The following SPMIP7 variants were observed in gnomAD, a reference collection of about 807,000 sequenced individuals.
The protein encoded by SPMIP7 is sperm microtubule inner protein 7, also known as protein SPMIP7.
chr7:50,148,621 T>C, the SPMIP7 span, among the ~76,000 whole-genome samples: 1 of 152,230 alleles, frequency 6.6e-6, no homozygotes, highest in South Asian at 2.1e-4. Context: ...CTTTGCCTCA[T>C]TCTGGGTTAC....
the SPMIP7 span, chr7:50,151,348 A>C: frequency 1.1e-6 from 1 of 950,748 alleles, no homozygotes; most frequent in South Asian, 1.7e-5. Context: ...TAGACTGCAT[A>C]TTTCTTTATA....
the SPMIP7 span, among the ~76,000 whole-genome samples, chr7:50,110,985 ATAATAAATATATATG>A: frequency 7.0e-6 from 1 of 143,490 alleles, no homozygotes; most frequent in South Asian, 2.1e-4. Flanking sequence ...GCTAATATAT[ATAATAAATATATATG>A]TAATATCTTT....
At chr7:50,136,290 A>T in the SPMIP7 span, 1 of 685,786 alleles carries the variant, frequency 1.5e-6, no homozygotes, top group Non-Finnish European at 2.6e-6. Context: ...GATGGAGAGC[A>T]TCCCAGGGAC....
At chr7:50,118,936 G>T in the SPMIP7 span, among the ~76,000 whole-genome samples, 1 of 152,210 alleles carries the variant, frequency 6.6e-6, no homozygotes, top group African/African-American at 2.4e-5. Context: ...ATAGAACCTC[G>T]TGTATCTTCC....
the SPMIP7 span, among the ~76,000 whole-genome samples, chr7:50,126,840 CAG>C: frequency 6.6e-6 from 1 of 151,390 alleles, no homozygotes; most frequent in Admixed American, 6.6e-5. Context: ...ATATTGAACA[CAG>C]AGTAGAAAAA....
chr7:50,100,747 G>A, the SPMIP7 span, among the ~76,000 whole-genome samples: 1 of 151,952 alleles, frequency 6.6e-6, no homozygotes, highest in Non-Finnish European at 1.5e-5. Flanking sequence ...GGTAGGCAGA[G>A]CTTGCAGTGA....
chr7:50,129,870 A>C, the SPMIP7 span: 3 of 883,628 alleles, frequency 3.4e-6, no homozygotes, highest in Non-Finnish European at 5.4e-6. Flanking sequence ...CTTTATGTCT[A>C]TAATATCCTG....
At chr7:50,158,084 TG>T in the SPMIP7 span, among the ~76,000 whole-genome samples, 525 of 152,264 alleles carry the variant, frequency 3.4e-3, 2 homozygotes, top group African/African-American at 0.012. Flanking sequence ...CAGCAGCCTC[TG>T]GGGTAGGCCC....
At chr7:50,112,970 A>G in the SPMIP7 span, among the ~76,000 whole-genome samples, 1 of 151,518 alleles carries the variant, frequency 6.6e-6, no homozygotes, top group Non-Finnish European at 1.5e-5. Flanking sequence ...AGGAACTACT[A>G]AAGCTAAGGA....
At chr7:50,146,438 TG>T in the SPMIP7 span, among the ~76,000 whole-genome samples, 1 of 152,120 alleles carries the variant, frequency 6.6e-6, no homozygotes, top group African/African-American at 2.4e-5. Context: ...CCCTCCTAAA[TG>T]GAAGAATTGA....
At chr7:50,141,457 A>G in the SPMIP7 span, 243 of 977,240 alleles carry the variant, frequency 2.5e-4, 1 homozygote, top group African/African-American at 3.4e-3. Context: ...GGACTTTACC[A>G]TAAATGAAGG....
chr7:50,137,434 ATAAT>A, the SPMIP7 span, among the ~76,000 whole-genome samples: 1 of 152,248 alleles, frequency 6.6e-6, no homozygotes, highest in Non-Finnish European at 1.5e-5. Context: ...ATCCATTCTC[ATAAT>A]TATTTTCTGA....
At chr7:50,115,403 GA>G in the SPMIP7 span, among the ~76,000 whole-genome samples, 1 of 151,686 alleles carries the variant, frequency 6.6e-6, no homozygotes, top group African/African-American at 2.4e-5. Flanking sequence ...AAGGTAGACA[GA>G]AAAAAAGGGG....
the SPMIP7 span, among the ~76,000 whole-genome samples, chr7:50,154,746 C>T: frequency 2.1e-4 from 32 of 152,246 alleles, no homozygotes; most frequent in East Asian, 2.9e-3. Flanking sequence ...AGAAGGAATA[C>T]GTTATTTTTA....
At chr7:50,125,339 C>T in the SPMIP7 span, among the ~76,000 whole-genome samples, 6 of 62,138 alleles carry the variant, frequency 9.7e-5, no homozygotes, top group Non-Finnish European at 1.3e-4. Context: ...CATATATATA[C>T]ATATATATAC....
At chr7:50,147,568 T>C in the SPMIP7 span, among the ~76,000 whole-genome samples, 3 of 152,370 alleles carry the variant, frequency 2.0e-5, no homozygotes, top group Non-Finnish European at 4.4e-5. Context: ...AGTGAGAATT[T>C]CTATGCATGC....
the SPMIP7 span, among the ~76,000 whole-genome samples, chr7:50,121,697 A>G: frequency 1.3e-5 from 2 of 151,560 alleles, no homozygotes; most frequent in African/African-American, 2.4e-5. Flanking sequence ...TGTGTCACCC[A>G]GGCTGGAGTG....
the SPMIP7 span, among the ~76,000 whole-genome samples, chr7:50,127,617 CTA>C: frequency 7.6e-3 from 1,078 of 142,364 alleles, 32 homozygotes; most frequent in South Asian, 0.093. Context: ...ATATCTTTTT[CTA>C]TATATATATA....
At chr7:50,140,570 C>A in the SPMIP7 span, among the ~76,000 whole-genome samples, 1 of 152,186 alleles carries the variant, frequency 6.6e-6, no homozygotes, top group Admixed American at 6.5e-5. Context: ...AATATCACCT[C>A]TTAATTTCTA....
Sources: allele counts gnomAD v4.1 joint callset (sites outside exome capture counted in the v4.1 genomes callset), GRCh38; gene constraint gnomAD v4.1.1; transcripts MANE v1.5; gene names NCBI Gene and HGNC (gene_info 2026-07-23, HGNC 2026-07-21).